RFWD3: variants seen among roughly 807,000 people sequenced by gnomAD.
RFWD3 encodes the protein ring finger and WD repeat domain 3, also known as E3 ubiquitin-protein ligase RFWD3.
In RFWD3, 65 loss-of-function variants were observed where a neutral mutation model predicts 87.7. The ratio of observed to expected loss-of-function variants is 0.74; its 90% confidence interval spans 0.61 to 0.91. The LOEUF (loss-of-function observed/expected upper bound fraction) is 0.91. Ranked by LOEUF, RFWD3 falls within the 40% of genes least tolerant of loss-of-function variation. RFWD3 has a pLI of 0.00. For missense variants in RFWD3, 1,078 were observed against 938.5 expected (o/e 1.15, Z -1.94); for synonymous variants, 433 against 352.8 (o/e 1.23, Z -2.55).
chr16:74,662,597 A>T (rs1229810491), intron 1 of RFWD3, among the ~76,000 whole-genome samples: 1 of 152,230 alleles, frequency 6.6e-6, no homozygotes, highest in African/African-American at 2.4e-5. Context: ...CTGAGGCATG[A>T]AGGATTAAAA....
At chr16:74,666,714 G>A (rs1486817972) in intron 1 of RFWD3, 72 bp downstream of exon 1, 1 of 142,910 alleles carries the variant, frequency 7.0e-6, no homozygotes, top group East Asian at 2.2e-4. Context: ...CCCAATCCAG[G>A]AATCAGGCGT....
intron 2 of RFWD3, among the ~76,000 whole-genome samples, chr16:74,659,527 A>G (rs912855262): frequency 4.6e-5 from 7 of 152,254 alleles, no homozygotes; most frequent in African/African-American, 1.4e-4. Context: ...CCCGGGAGCC[A>G]GAGGTCCTGG....
At position 74,649,144 on chromosome 16, in the gene RFWD3, G is replaced by T; in HGVS notation, c.780C>A (p.Thr260=). ...QEVTCIDGGK[T]LPKQPSPQKS... The stretch of plus-strand genomic sequence containing the variant: ...ATGTTCATATTACCTGTTTGGGGAG[G>T]GTCTTGCCTCCATCGATACATGTAA... Residue 260 remains threonine (T), a synonymous_variant, in exon 4 of 13, where the codon ACC becomes ACA. Coordinates refer to ENST00000361070, the MANE Select transcript of RFWD3 (RefSeq NM_018124.4). 6.4e-7 allele frequency: 1 copy of T among 1,566,576 alleles called. No individual in the cohort carries two copies. The highest frequency in any genetic ancestry group is 1.2e-5 in the South Asian group (1 of 83,380).
Position 74,660,955 on chromosome 16 carries a change from C to T in RFWD3, c.495G>A (p.Gly165=), listed in dbSNP as rs1391018565. Residue 165 remains glycine, a synonymous_variant, in exon 2 of 13, where the codon GGG becomes GGA. Transcript: ENST00000361070. ...VSASRRARAG[G]SQRTDSARLR... ...ACCTGGCACTGTCTGTCCTCTGAGA[C>T]CCTCCGGCTCTTGCCCTCCGTGAAG... is the stretch of plus-strand genomic sequence containing the variant. The T allele has an allele frequency of 1.2e-6, 2 of 1,613,726 alleles. No homozygotes were observed.
At chr16:74,653,363 C>T (rs1013443206) in intron 2 of RFWD3, among the ~76,000 whole-genome samples, 2 of 151,456 alleles carry the variant, frequency 1.3e-5, no homozygotes, top group Admixed American at 6.6e-5. Flanking sequence ...AAAATGACAC[C>T]CAAAAAACTT....
Position 74,622,745 on chromosome 16 carries a change from G to A in RFWD3, c.*1183C>T, listed in dbSNP as rs565844835. On this transcript the variant is annotated 3_prime_UTR_variant, in exon 13 of 13. Coordinates refer to ENST00000361070, the MANE Select transcript of RFWD3 (RefSeq NM_018124.4). The stretch of plus-strand genomic sequence containing the variant: ...TTGAAGCATATTCTGTTGTGGAAGT[G>A]GGTTGGCAAAGTAGTCTGAGGCAAG... 1.3e-5 allele frequency: 2 copies of A among 152,302 alleles called. No individual in the cohort carries two copies. Among genetic ancestry groups the A allele is most frequent in the East Asian group, 3.9e-4 (2 of 5,174 alleles). The allele number at this position is 152,302 out of a possible 1,614,324, so 9.4% of individuals were successfully genotyped here. A position where few individuals can be genotyped will look rare whatever the true frequency, so the allele number is the denominator to read the frequency against.
rs538635670 is a variant in RFWD3, at chr16:74,652,015, T to G, written c.626A>C (p.Gln209Pro). 1.2e-4 allele frequency: 194 copies of G among 1,614,112 alleles called. 4 individuals are homozygous for G. In the South Asian group the frequency reaches 2.0e-3, roughly 17 times the overall value. Reference protein sequence around the residue: ...ETRNPVSEELQVSSSSDSDSD... With the variant: ...ETRNPVSEELPVSSSSDSDSD... The stretch of plus-strand genomic sequence containing the variant: ...GTCAGAATCAGAACTACTAGACACC[T>G]GCAACTCTTCAGATACAGGATTCCT... The change falls in exon 3 of 13, where the codon CAG (glutamine) becomes CCG (proline). Residue 209 changes from glutamine to proline, a missense_variant. Physicochemically the swap from Gln to Pro is moderately conservative, Grantham distance 76 (BLOSUM62 -1). Coordinates refer to ENST00000361070, the MANE Select transcript of RFWD3 (RefSeq NM_018124.4).
chr16:74,655,922 A>C (rs910386719), intron 2 of RFWD3, among the ~76,000 whole-genome samples: 1 of 152,172 alleles, frequency 6.6e-6, no homozygotes, highest in African/African-American at 2.4e-5. Context: ...GAAACCTACT[A>C]TTCAGAAAAA....
At chr16:74,651,772 G>A in intron 3 of RFWD3, 148 bp downstream of exon 3, 1 of 706,970 alleles carries the variant, frequency 1.4e-6, no homozygotes, top group Non-Finnish European at 2.4e-6. Context: ...ATTATGGCCA[G>A]TGAAGGCTCT....
At chr16:74,653,591 T>A (rs982996077) in intron 2 of RFWD3, among the ~76,000 whole-genome samples, 1 of 152,148 alleles carries the variant, frequency 6.6e-6, no homozygotes, top group African/African-American at 2.4e-5. Context: ...GGCAGGAGGA[T>A]TGCTTGAGGC....
chr16:74,649,063 G>C, intron 4 of RFWD3, 69 bp downstream of exon 4: 5 of 1,028,040 alleles, frequency 4.9e-6, no homozygotes, highest in Non-Finnish European at 7.0e-6. Flanking sequence ...GCCTGGGTGA[G>C]AGTGAGACCT....
At chr16:74,659,559 C>A (rs1320972106) in intron 2 of RFWD3, among the ~76,000 whole-genome samples, 1 of 151,790 alleles carries the variant, frequency 6.6e-6, no homozygotes, top group African/African-American at 2.4e-5. Flanking sequence ...TGCGCCACTG[C>A]ACTCCAGCCT....
intron 6 of RFWD3, among the ~76,000 whole-genome samples, chr16:74,643,543 A>T (rs150780191): frequency 1.3e-5 from 2 of 152,286 alleles, no homozygotes; most frequent in East Asian, 3.9e-4. Context: ...GGATGTCTCA[A>T]AATGATTTTG....
intron 2 of RFWD3, among the ~76,000 whole-genome samples, chr16:74,658,014 T>C (rs1026609498): frequency 6.6e-6 from 1 of 152,172 alleles, no homozygotes; most frequent in Non-Finnish European, 1.5e-5. Context: ...TGCTTTTATG[T>C]AGCAAAGAAT....
Position 74,623,523 on chromosome 16 carries a change from T to C in RFWD3, c.*405A>G, listed in dbSNP as rs7204804. The C allele has an allele frequency of 0.72, 121,475 of 168,302 alleles. 44,495 individuals carry two copies. Among genetic ancestry groups the C allele is most frequent in the African/African-American group, 0.84 (35,126 of 41,786 alleles). 10.4% of individuals were successfully genotyped at this position (168,302 alleles called of 1,614,324 possible). ...CGATGGTTAGTCCCTTCAAGGATAC[T>C]TAAGTGACAGGACAACTCAGATGGG... On this transcript the variant is annotated 3_prime_UTR_variant, in exon 13 of 13. Coordinates refer to ENST00000361070, the MANE Select transcript of RFWD3 (RefSeq NM_018124.4).
chr16:74,629,851 T>G (rs1027830697), intron 10 of RFWD3, among the ~76,000 whole-genome samples: 2 of 152,204 alleles, frequency 1.3e-5, no homozygotes, highest in African/African-American at 4.8e-5. Context: ...CCCTACTCCC[T>G]TTTTGATAAC....
intron 2 of RFWD3, among the ~76,000 whole-genome samples, chr16:74,657,478 C>CTTTTTTTTTT (rs386385075): frequency 8.1e-6 from 1 of 122,708 alleles, no homozygotes; most frequent in Non-Finnish European, 1.8e-5. Context: ...TTTTCTTTTT[C>CTTTTTTTTTT]TTTTTTTTTT....
At chr16:74,657,761 A>G (rs918058579) in intron 2 of RFWD3, among the ~76,000 whole-genome samples, 1 of 152,214 alleles carries the variant, frequency 6.6e-6, no homozygotes, top group African/African-American at 2.4e-5. Flanking sequence ...GGTGTGAGCC[A>G]CTGCGCCTAG....
chr16:74,656,529 C>G (rs1172660247), intron 2 of RFWD3, among the ~76,000 whole-genome samples: 1 of 151,828 alleles, frequency 6.6e-6, no homozygotes, highest in Non-Finnish European at 1.5e-5. Flanking sequence ...GTCACCCAGG[C>G]TGGAGTGCAG....
Sources: gnomAD v4.1 joint callset for allele counts (sites outside exome capture counted in the v4.1 genomes callset) on GRCh38, gnomAD v4.1.1 for gene constraint, MANE v1.5 for transcripts, NCBI Gene and HGNC (gene_info 2026-07-23, HGNC 2026-07-21) for gene names.